Variants in FAM13A observed in about 807,000 individuals in gnomAD.
The protein encoded by FAM13A is protein FAM13A.
Under a neutral mutation model 129.6 loss-of-function variants are expected in FAM13A, and 76 were observed. The ratio of observed to expected loss-of-function variants is 0.59; its 90% CI spans 0.49 to 0.71. The LOEUF is 0.71. Ranked by LOEUF, FAM13A falls within the 30% of genes least tolerant of loss-of-function variation. The pLI is 0.00. For missense variants in FAM13A, 1,108 were observed against 1,249.3 expected (o/e 0.89, Z 1.70); for synonymous variants, 443 against 449.9 (o/e 0.98, Z 0.20).
chr4:88,833,206 A>G (rs1734208423), intron 7 of FAM13A, among the ~76,000 whole-genome samples: 1 of 152,190 alleles, frequency 6.6e-6, no homozygotes, highest in Admixed American at 6.5e-5. Context: ...TGGGAGCAGA[A>G]CAACATACAC....
chr4:88,737,273 T>A (rs952576807), intron 21 of FAM13A, among the ~76,000 whole-genome samples, 199 bp downstream of exon 21: 13 of 152,018 alleles, frequency 8.6e-5, no homozygotes, highest in African/African-American at 2.9e-4. Flanking sequence ...AGAAATCAAC[T>A]AAATGGAACT....
At chr4:88,987,622 A>G (rs1344231029) in intron 4 of FAM13A, among the ~76,000 whole-genome samples, 2 of 151,864 alleles carry the variant, frequency 1.3e-5, no homozygotes, top group African/African-American at 4.8e-5. Flanking sequence ...TGGGAGGCCG[A>G]GGCGGGCGGA....
intron 6 of FAM13A, among the ~76,000 whole-genome samples, chr4:88,882,443 A>G (rs1743737843): frequency 6.6e-6 from 1 of 152,102 alleles, no homozygotes; most frequent in African/African-American, 2.4e-5. Context: ...TCTTTTTCAG[A>G]CAATACAATC....
At chr4:89,044,861 C>G (rs1770633716) in intron 1 of FAM13A, among the ~76,000 whole-genome samples, 1 of 151,410 alleles carries the variant, frequency 6.6e-6, no homozygotes, top group African/African-American at 2.4e-5. Flanking sequence ...TACGAGATAC[C>G]TAGGCTAGGC....
intron 8 of FAM13A, among the ~76,000 whole-genome samples, 176 bp from the exon 9 acceptor site, chr4:88,790,803 A>G (rs1724976891): frequency 6.6e-6 from 1 of 152,126 alleles, no homozygotes; most frequent in South Asian, 2.1e-4. Context: ...AGAAATGGAG[A>G]TGGCCCTGCT....
intron 6 of FAM13A, chr4:88,856,030 C>T (rs1216108959): frequency 6.6e-6 from 1 of 152,126 alleles, no homozygotes; most frequent in Admixed American, 6.6e-5. Context: ...GAGTCAACTG[C>T]AGGAAAATTT....
At chr4:88,991,714 G>A (rs6835979) in intron 3 of FAM13A, among the ~76,000 whole-genome samples, 88,794 of 151,892 alleles carry the variant, frequency 0.58, 25,973 homozygotes, top group Middle Eastern at 0.66. Context: ...AGTGATCAAG[G>A]TACTGTACAC....
chr4:88,779,567 T>A (rs965808243), intron 11 of FAM13A, among the ~76,000 whole-genome samples: 1 of 152,140 alleles, frequency 6.6e-6, no homozygotes, highest in African/African-American at 2.4e-5. Flanking sequence ...AAGTTATTCA[T>A]TGCAACAAAG....
chr4:88,759,131 G>A (rs976628440), intron 13 of FAM13A: 2 of 453,702 alleles, frequency 4.4e-6, no homozygotes, highest in Non-Finnish European at 8.0e-6. Flanking sequence ...TGCTCTTCCC[G>A]ATAACTGCAG....
intron 4 of FAM13A, among the ~76,000 whole-genome samples, chr4:88,942,400 C>G (rs1413468904): frequency 2.0e-5 from 3 of 151,888 alleles, no homozygotes; most frequent in Non-Finnish European, 2.9e-5. Context: ...AACCCCGTCT[C>G]TACTAAAAAT....
Position 88,952,445 on chromosome 4 carries a change from T to C in FAM13A, c.606-14204A>G, listed in dbSNP as rs1757085933. ...CAGTATCTCAATGTTATTTTAATAGTAGTTTGAAACTTCACTCCATGCCCA... is the reference window on the plus strand; with the variant it reads ...CAGTATCTCAATGTTATTTTAATAGCAGTTTGAAACTTCACTCCATGCCCA... On this transcript the variant is annotated intron_variant, in intron 4 of 23. Coordinates refer to ENST00000264344, the MANE Select transcript of FAM13A (RefSeq NM_014883.4). Among the ~76,000 whole-genome samples the C allele has an allele frequency of 2.0e-5, 3 of 152,234 alleles. No individual in the cohort carries two copies. In the South Asian group the frequency reaches 6.2e-4, roughly 32 times the overall value.
Position 88,758,821 on chromosome 4 carries a change from C to T in FAM13A, c.1659G>A (p.Glu553=). Residue 553 remains glutamate, a synonymous_variant, in exon 14 of 24, where the codon GAG becomes GAA. Transcript: ENST00000264344. The stretch of plus-strand genomic sequence containing the variant: ...GGGGCACTTCGGAGACAAAGCTCTC[C>T]TCCTGGTCACCGGCATCTTGATTTC... ...QQRNQDAGDQ[E]ESFVSEVPQS... 1 of 1,614,006 alleles carries T rather than the reference C, an allele frequency of 6.2e-7. No individual in the cohort carries two copies. Among genetic ancestry groups the T allele is most frequent in the East Asian group, 2.2e-5 (1 of 44,864 alleles).
At chr4:88,935,673 T>C (rs1042581567) in intron 5 of FAM13A, among the ~76,000 whole-genome samples, 9 of 152,226 alleles carry the variant, frequency 5.9e-5, no homozygotes, top group Non-Finnish European at 1.2e-4. Context: ...TTTTAGTTTC[T>C]ATCTAATGTT....
intron 5 of FAM13A, among the ~76,000 whole-genome samples, chr4:88,915,487 C>T (rs1022170639): frequency 2.0e-5 from 3 of 152,158 alleles, no homozygotes; most frequent in African/African-American, 4.8e-5. Flanking sequence ...TTATGAACTG[C>T]AACAATAATA....
chr4:88,915,686 T>C (rs551804865), intron 5 of FAM13A, among the ~76,000 whole-genome samples: 1 of 152,200 alleles, frequency 6.6e-6, no homozygotes, highest in Admixed American at 6.5e-5. Flanking sequence ...AGTGCTATGG[T>C]TTGAGTATTT....
chr4:89,030,569 A>C (rs1305968000), intron 1 of FAM13A, among the ~76,000 whole-genome samples: 1 of 152,178 alleles, frequency 6.6e-6, no homozygotes, highest in Non-Finnish European at 1.5e-5. Flanking sequence ...CCAATGTGGA[A>C]ATACTATTAA....
chr4:88,898,177 A>G (rs1746664791), intron 6 of FAM13A, among the ~76,000 whole-genome samples: 1 of 152,196 alleles, frequency 6.6e-6, no homozygotes, highest in Non-Finnish European at 1.5e-5. Flanking sequence ...TATTTCGTTT[A>G]GGAAATGATT....
In FAM13A at chr4:88,737,507, C is replaced by T. The variant is rs753916142; in HGVS notation, c.2611G>A (p.Glu871Lys). ...TTGAAGAAGGAAGCAGTTTCGCCCT[C>T]GATAATTGGCTGCAGCAAAGGGCTT... ...RRSPLLQPII[E>K]GETASFFKEI... is the part of the protein sequence containing the mutation. Residue 871 changes from glutamate to lysine, a missense_variant, in exon 21 of 24, where the codon GAG becomes AAG. Glu to Lys is a moderately conservative substitution (Grantham distance 56). This residue lies in a region of FAM13A where 529 missense variants were observed against 621.2 expected (regional missense o/e 0.85). Transcript: ENST00000264344. 3.1e-6 allele frequency: 5 copies of T among 1,614,074 alleles called. No homozygotes were observed. The highest frequency in any genetic ancestry group is 4.2e-6 in the Non-Finnish European group (5 of 1,179,976).
intron 6 of FAM13A, among the ~76,000 whole-genome samples, chr4:88,888,368 G>GTAAATGTCTTCCTCT (rs1320387116): frequency 6.6e-6 from 1 of 152,156 alleles, no homozygotes; most frequent in Non-Finnish European, 1.5e-5. Flanking sequence ...TGGGATTCTG[G>GTAAATGTCTTCCTCT]TAAATGTCTT....
Sources: allele counts gnomAD v4.1 joint callset (sites outside exome capture counted in the v4.1 genomes callset), GRCh38; gene constraint gnomAD v4.1.1; regional missense constraint gnomAD v4.1.1; transcripts MANE v1.5; gene names NCBI Gene and HGNC (gene_info 2026-07-23, HGNC 2026-07-21).